PCNT: variants seen among roughly 807,000 people sequenced by gnomAD.
The protein encoded by PCNT is kendrin.
In PCNT, 319 loss-of-function variants were observed where a neutral mutation model predicts 380.4. That is an observed-to-expected ratio of 0.84 (90% confidence interval 0.77 to 0.92). PCNT has a LOEUF of 0.92. Ranked by LOEUF, PCNT falls within the 40% of genes least tolerant of loss-of-function variation. The pLI, the probability that PCNT is intolerant of heterozygous loss-of-function variation, is 0.00. For synonymous variants in PCNT, 1,845 were observed against 1,735.2 expected (o/e 1.06, Z -1.57); for missense variants, 4,400 against 4,255.3 (o/e 1.03, Z -0.95).
chr21:46,381,108 CA>C (rs1443571518), intron 15 of PCNT, among the ~76,000 whole-genome samples: 1 of 143,846 alleles, frequency 7.0e-6, no homozygotes, highest in Non-Finnish European at 1.5e-5. Flanking sequence ...ACCTGGGAGA[CA>C]GAGGTTGTAG....
At chr21:46,380,372 G>C (rs1214852787) in intron 15 of PCNT, among the ~76,000 whole-genome samples, 2 of 151,658 alleles carry the variant, frequency 1.3e-5, no homozygotes, top group African/African-American at 4.9e-5. Flanking sequence ...ATGTTAGCCA[G>C]GATGGTCTCG....
At chr21:46,403,754 G>A (rs1347950117) in intron 27 of PCNT, among the ~76,000 whole-genome samples, 2 of 139,082 alleles carry the variant, frequency 1.4e-5, no homozygotes, top group African/African-American at 2.8e-5. Context: ...GTGCCCACGC[G>A]GCGCGTGCTC....
At position 46,399,768 on chromosome 21, in the gene PCNT, A is replaced by G. The variant is rs765040365; in HGVS notation, c.4763A>G (p.Gln1588Arg). 4.3e-6 allele frequency: 7 copies of G among 1,614,038 alleles called. No homozygotes were observed. The African/African-American group carries it at 5.3e-5, about 12-fold the overall frequency. ...VAQLQEEVEK[Q>R]KNIVKGLEQD... ...CAGCTCCAGGAAGAAGTGGAAAAACAGAAAAACATCGTGAAAGGGCTGGAA... is the reference window on the plus strand; with the variant it reads ...CAGCTCCAGGAAGAAGTGGAAAAACGGAAAAACATCGTGAAAGGGCTGGAA... The change falls in exon 25 of 47, where the codon CAG (glutamine) becomes CGG (arginine). Residue 1588 changes from glutamine to arginine, a missense_variant. Gln to Arg is a conservative substitution (Grantham distance 43). Transcript: ENST00000359568.
Position 46,443,729 on chromosome 21 carries a change from A to C in PCNT, c.9701-81A>C. Reference sequence around the variant, plus strand: ...CAGGCTCTTAAAAGCTTATACGTTTAAACTGTTGATAGATGGGCCTTTACT... The same window carrying C: ...CAGGCTCTTAAAAGCTTATACGTTTCAACTGTTGATAGATGGGCCTTTACT... On this transcript the variant is annotated intron_variant, in intron 44 of 46. Coordinates refer to ENST00000359568, the MANE Select transcript of PCNT (RefSeq NM_006031.6). 2.9e-6 allele frequency: 4 copies of C among 1,369,192 alleles called. No homozygotes were observed. In the South Asian group the frequency reaches 4.6e-5, roughly 16 times the overall value. The allele number at this position is 1,369,192 out of a possible 1,614,324, so 84.8% of individuals were successfully genotyped here. A position where few individuals can be genotyped will look rare whatever the true frequency, so the allele number is the denominator to read the frequency against.
At chr21:46,352,585 G>C (rs2146643653) in intron 9 of PCNT, among the ~76,000 whole-genome samples, 1 of 152,350 alleles carries the variant, frequency 6.6e-6, no homozygotes, top group East Asian at 1.9e-4. Flanking sequence ...TAGCCATGGA[G>C]ACAAGTTCTT....
At position 46,388,872 on chromosome 21, in the gene PCNT, G is replaced by A. The variant is rs1227674808; in HGVS notation, c.3595G>A (p.Ala1199Thr). 1.2e-6 allele frequency: 2 copies of A among 1,603,984 alleles called. No individual in the cohort carries two copies. ...LCLDDAGAGLALSTAPALEET... is the reference protein window; with the variant it reads ...LCLDDAGAGLTLSTAPALEET... ...CCTGGATGACGCGGGCGCAGGCCTG[G>A]CCCTGTCGACAGGTGAGTGTGCCGG... Residue 1199 changes from alanine (A) to threonine (T), a missense_variant, in exon 18 of 47, where the codon GCC becomes ACC. Coordinates refer to ENST00000359568, the MANE Select transcript of PCNT (RefSeq NM_006031.6). The surrounding 1 kb of genome is among the most constrained non-coding windows in gnomAD (Gnocchi z 4.2).
chr21:46,438,186 AG>A lies in PCNT; in HGVS notation c.9123del (p.Gln3041HisfsTer9). 6.2e-7 allele frequency: 1 copy of A among 1,614,100 alleles called. No homozygotes were observed. Among genetic ancestry groups the A allele is most frequent in the Non-Finnish European group, 8.5e-7 (1 of 1,179,906 alleles). On this transcript the variant is annotated frameshift_variant, in exon 41 of 47. Coordinates refer to ENST00000359568, the MANE Select transcript of PCNT (RefSeq NM_006031.6). LOFTEE classifies it high-confidence loss of function. ...AAGAAAAAAATGGCAGCAGAGCTGC[AG>A]TTCCAGTTTGTGGACGTCCTGCTGA... ...SSQKKMAAEL[Q>X]FQFVDVLLKD...
Position 46,416,143 on chromosome 21 carries a change from A to G in PCNT, c.6225A>G (p.Glu2075=), listed in dbSNP as rs567415247. ...TAGCTCAGGTGAAACAGCTTCAGGAAAAACTGAACCGTTTGCTGTATTCCA... is the reference window on the plus strand; with the variant it reads ...TAGCTCAGGTGAAACAGCTTCAGGAGAAACTGAACCGTTTGCTGTATTCCA... ...DLVAQVKQLQ[E]KLNRLLYSMT... The change falls in exon 30 of 47, where the codon GAA becomes GAG. Residue 2075 remains glutamate, a synonymous_variant. Coordinates refer to ENST00000359568, the MANE Select transcript of PCNT (RefSeq NM_006031.6). 2.5e-6 allele frequency: 4 copies of G among 1,614,196 alleles called. No homozygotes were observed. Among genetic ancestry groups the G allele is most frequent in the Admixed American group, 3.3e-5 (2 of 60,028 alleles).
chr21:46,408,226 G>A (rs922266997), intron 27 of PCNT, among the ~76,000 whole-genome samples: 1 of 152,170 alleles, frequency 6.6e-6, no homozygotes, highest in Non-Finnish European at 1.5e-5. Context: ...GATGCATGCT[G>A]TCGCCTGTGT....
At chr21:46,370,552 T>G (rs1288964805) in intron 15 of PCNT, among the ~76,000 whole-genome samples, 1 of 151,962 alleles carries the variant, frequency 6.6e-6, no homozygotes. Context: ...TCATCCCAGG[T>G]TGGACTGGTG....
At position 46,402,009 on chromosome 21, in the gene PCNT, C is replaced by T. The variant is rs375019229; in HGVS notation, c.4962+288C>T. ...GGGATTACAGGTGCACCCACCGCCA[C>T]GCCCGGCTCAGTTTTGGTATTTTTA... On this transcript the variant is annotated intron_variant, in intron 26 of 46. Coordinates refer to ENST00000359568, the MANE Select transcript of PCNT (RefSeq NM_006031.6). Among the ~76,000 whole-genome samples the T allele has an allele frequency of 3.1e-3, 473 of 152,290 alleles. 2 individuals carry two copies. The highest frequency in any genetic ancestry group is 0.011 in the African/African-American group (450 of 41,554).
chr21:46,411,877 T>C lies in PCNT; in HGVS notation c.5804T>C (p.Val1935Ala). Reference sequence around the variant, plus strand: ...GCCCGCCTCAGCCGCCAGCTGCAGGTGCTGCACCAGCGGTTCCTGAGGTGC... The same window carrying C: ...GCCCGCCTCAGCCGCCAGCTGCAGGCGCTGCACCAGCGGTTCCTGAGGTGC... The part of the protein sequence containing the change: ...QCARLSRQLQ[V>A]LHQRFLRCQV... The change falls in exon 28 of 47, where the codon GTG becomes GCG. Residue 1935 changes from valine to alanine, a missense_variant. Physicochemically the swap from Val to Ala is moderately conservative, Grantham distance 64 (BLOSUM62 0). Coordinates refer to ENST00000359568, the MANE Select transcript of PCNT (RefSeq NM_006031.6). 1 of 1,570,898 alleles carries C rather than the reference T, an allele frequency of 6.4e-7. No individual in the cohort carries two copies. The highest frequency in any genetic ancestry group is 8.6e-7 in the Non-Finnish European group (1 of 1,165,712).
chr21:46,413,342 C>T (rs568811573), intron 29 of PCNT, among the ~76,000 whole-genome samples: 2 of 34,890 alleles, frequency 5.7e-5, no homozygotes, highest in East Asian at 6.7e-4. Flanking sequence ...GCTGGACACG[C>T]GGCAGCAAGG....
chr21:46,406,597 C>T (rs1316717261), intron 27 of PCNT, among the ~76,000 whole-genome samples: 1 of 151,994 alleles, frequency 6.6e-6, no homozygotes. Context: ...TTGTTATTTC[C>T]TTCTTTTATT....
rs770095294 is a variant in PCNT, at chr21:46,366,789, G to A, written c.2815G>A (p.Gly939Arg). 3 of 1,613,656 alleles carry A rather than the reference G, an allele frequency of 1.9e-6. No homozygotes were observed. The highest frequency in any genetic ancestry group is 3.3e-5 in the Admixed American group (2 of 60,006). ...ELTASLESKQ[G>R]ALLAARVAEL... Reference sequence around the variant, plus strand: ...GACAGCCTCCTTAGAGAGCAAGCAGGGGGCTCTGCTGGCTGCACGTGTGGC... The same window carrying A: ...GACAGCCTCCTTAGAGAGCAAGCAGAGGGCTCTGCTGGCTGCACGTGTGGC... Residue 939 changes from glycine to arginine, a missense_variant, in exon 15 of 47, where the codon GGG becomes AGG. Transcript: ENST00000359568.
At chr21:46,438,452 C>T in intron 41 of PCNT, 115 bp downstream of exon 41, 2 of 887,586 alleles carry the variant, frequency 2.3e-6, no homozygotes, top group Non-Finnish European at 3.7e-6. Context: ...TGGGCGTCAC[C>T]TTCTCCCTAA....
In PCNT at chr21:46,391,085, C is replaced by T; in HGVS notation, c.4004-79C>T. 3 of 1,372,754 alleles carry T rather than the reference C, an allele frequency of 2.2e-6. No homozygotes were observed. In the East Asian group the frequency reaches 7.5e-5, roughly 34 times the overall value. 85.0% of individuals were successfully genotyped at this position (1,372,754 alleles called of 1,614,324 possible). A position where few individuals can be genotyped will look rare whatever the true frequency, so the allele number is the denominator to read the frequency against. On this transcript the variant is annotated intron_variant, in intron 20 of 46. Transcript: ENST00000359568. ...CTCTGCTGCTCTCAGGGGCAGTGGC[C>T]CCGTCCCTTCCTCCAAGCAGGCTCT... is the stretch of plus-strand genomic sequence containing the variant.
intron 27 of PCNT, among the ~76,000 whole-genome samples, chr21:46,408,061 A>C (rs2086671733): frequency 6.6e-6 from 1 of 152,210 alleles, no homozygotes; most frequent in Non-Finnish European, 1.5e-5. Flanking sequence ...CAGTTTTATA[A>C]ATTTTGAAAA....
intron 1 of PCNT, chr21:46,324,930 C>G (rs1159017546): frequency 3.0e-6 from 3 of 985,498 alleles, no homozygotes; most frequent in East Asian, 1.1e-4. Context: ...GCGGCGCTCC[C>G]GGCCGCCGTC....
Sources: allele counts gnomAD v4.1 joint callset (sites outside exome capture counted in the v4.1 genomes callset), GRCh38; gene constraint gnomAD v4.1.1; non-coding constraint Gnocchi (gnomAD v3.1); transcripts MANE v1.5; gene names NCBI Gene and HGNC (gene_info 2026-07-23, HGNC 2026-07-21).